Variants in IQSEC1 observed in about 807,000 individuals in gnomAD.
IQSEC1 encodes IQ motif and Sec7 domain ArfGEF 1, also known as IQ motif and SEC7 domain-containing protein 1.
Under a neutral mutation model 91.0 loss-of-function variants are expected in IQSEC1, and 31 were observed. The ratio of observed to expected loss-of-function variants is 0.34; its 90% CI spans 0.26 to 0.46. The LOEUF is 0.46. Ranked by LOEUF, IQSEC1 falls within the 20% of genes least tolerant of loss-of-function variation. The pLI is 1.00. For synonymous variants in IQSEC1, 699 were observed against 662.6 expected (o/e 1.05, Z -0.84); for missense variants, 1,388 against 1,575.6 (o/e 0.88, Z 2.02).
chr3:12,926,488 G>A (rs935026323), intron 3 of IQSEC1, among the ~76,000 whole-genome samples: 1 of 152,214 alleles, frequency 6.6e-6, no homozygotes, highest in Non-Finnish European at 1.5e-5. Context: ...CAGAGTCACC[G>A]AGGGCTGTCA....
At chr3:13,257,005 C>T (rs939073996) in intron 1 of IQSEC1, among the ~76,000 whole-genome samples, 4 of 152,314 alleles carry the variant, frequency 2.6e-5, no homozygotes, top group African/African-American at 7.2e-5. Flanking sequence ...TCCTTAACCT[C>T]TCTGTGCCCA....
At chr3:13,043,799 C>A (rs758358252) in intron 1 of IQSEC1, among the ~76,000 whole-genome samples, 3 of 152,202 alleles carry the variant, frequency 2.0e-5, no homozygotes, top group African/African-American at 7.2e-5. Context: ...ACACTCACCC[C>A]CTCTGGCCGC....
At chr3:12,929,736 C>A (rs760190665) in intron 3 of IQSEC1, among the ~76,000 whole-genome samples, 23 of 152,346 alleles carry the variant, frequency 1.5e-4, no homozygotes, top group Non-Finnish European at 2.9e-4. Flanking sequence ...AAGGACCCAG[C>A]ATTAACAGGT....
chr3:13,129,950 G>A (rs904677741), intron 2 of IQSEC1, among the ~76,000 whole-genome samples: 2 of 151,592 alleles, frequency 1.3e-5, no homozygotes, highest in Non-Finnish European at 2.9e-5. Flanking sequence ...GAGCCACCGC[G>A]CCTGGCCACA....
chr3:13,235,079 C>T (rs1380541279), intron 1 of IQSEC1, among the ~76,000 whole-genome samples: 1 of 152,150 alleles, frequency 6.6e-6, no homozygotes, highest in East Asian at 1.9e-4. Context: ...TGTGTCTGTG[C>T]ATTTTATTTT....
chr3:13,134,883 G>A (rs73147138), intron 2 of IQSEC1, among the ~76,000 whole-genome samples: 9,857 of 152,204 alleles, frequency 0.065, 934 homozygotes, highest in African/African-American at 0.21. Flanking sequence ...CTGGGGGTCA[G>A]AGAGACTGAG....
intron 1 of IQSEC1, among the ~76,000 whole-genome samples, chr3:13,013,552 A>G (rs1702984716): frequency 6.6e-6 from 1 of 152,222 alleles, no homozygotes; most frequent in South Asian, 2.1e-4. Context: ...GTTTTCTAAT[A>G]GGTGACATGT....
intron 2 of IQSEC1, among the ~76,000 whole-genome samples, chr3:13,098,526 C>T (rs1366402993): frequency 6.6e-6 from 1 of 151,946 alleles, no homozygotes; most frequent in Non-Finnish European, 1.5e-5. Context: ...AGGGTTTCCA[C>T]TAAAATAGGA....
chr3:13,132,666 T>TGTTCATTTCCTACCTCTCAGGG (rs1706639234), intron 2 of IQSEC1, among the ~76,000 whole-genome samples: 1 of 152,244 alleles, frequency 6.6e-6, no homozygotes, highest in Non-Finnish European at 1.5e-5. Context: ...CAGATCACCT[T>TGTTCATTTCCTACCTCTCAGGG]GTTCATTTCC....
intron 1 of IQSEC1, among the ~76,000 whole-genome samples, chr3:13,011,601 C>T (rs1702885989): frequency 6.6e-6 from 1 of 152,202 alleles, no homozygotes; most frequent in African/African-American, 2.4e-5. Flanking sequence ...GGGCCAGCTT[C>T]GAAGTCTTTT....
chr3:13,090,773 C>A (rs1323204188), intron 2 of IQSEC1, among the ~76,000 whole-genome samples: 2 of 152,156 alleles, frequency 1.3e-5, no homozygotes, highest in Admixed American at 6.5e-5. Flanking sequence ...ACTAAGGGGA[C>A]CTGGCACCCT....
rs560694144 is a variant in IQSEC1 at position 13,281,385 on chromosome 3, G to C, written c.272+1326C>G. Among the ~76,000 whole-genome samples the C allele has an allele frequency of 2.6e-5, 4 of 152,238 alleles. No individual in the cohort carries two copies. The East Asian group carries it at 7.7e-4, about 29-fold the overall frequency. On this transcript the variant is annotated intron_variant, in intron 1 of 15. Transcript: ENST00000648114. Reference sequence around the variant, plus strand: ...TTCCTCCCAGTGACACCAGTTAGGAGCTATACACACGTCCCGCTCCTCCTT... The same window carrying C: ...TTCCTCCCAGTGACACCAGTTAGGACCTATACACACGTCCCGCTCCTCCTT...
At chr3:13,184,383 G>A (rs1041865350) in intron 1 of IQSEC1, among the ~76,000 whole-genome samples, 1 of 152,200 alleles carries the variant, frequency 6.6e-6, no homozygotes, top group Non-Finnish European at 1.5e-5. Context: ...AACAGATGCA[G>A]AAAAAGCCTT....
chr3:13,254,275 C>T (rs925361818), intron 1 of IQSEC1, among the ~76,000 whole-genome samples: 1 of 152,268 alleles, frequency 6.6e-6, no homozygotes, highest in Non-Finnish European at 1.5e-5. Flanking sequence ...AGGCCACACC[C>T]TGGGGACGCA....
chr3:13,260,271 G>A (rs1040185584), intron 1 of IQSEC1, among the ~76,000 whole-genome samples: 9 of 152,214 alleles, frequency 5.9e-5, no homozygotes, highest in African/African-American at 2.2e-4. Context: ...CCTGACATTT[G>A]CTGCTGCTTG....
At chr3:13,026,206 C>A (rs934387003) in intron 1 of IQSEC1, among the ~76,000 whole-genome samples, 1 of 152,184 alleles carries the variant, frequency 6.6e-6, no homozygotes, top group African/African-American at 2.4e-5. Flanking sequence ...CTGTTTGCAC[C>A]CAGGTCTCTC....
chr3:13,274,218 G>T (rs1695636607), intron 1 of IQSEC1, among the ~76,000 whole-genome samples: 1 of 152,200 alleles, frequency 6.6e-6, no homozygotes. Flanking sequence ...GTCCCCAGAG[G>T]CTGTCCCCCA....
At chr3:13,089,386 A>G (rs1410613302) in intron 2 of IQSEC1, among the ~76,000 whole-genome samples, 1 of 152,158 alleles carries the variant, frequency 6.6e-6, no homozygotes, top group Non-Finnish European at 1.5e-5. Context: ...TTGATACCAT[A>G]CTGGGCAACA....
chr3:13,200,923 A>T (rs892759779), intron 1 of IQSEC1, among the ~76,000 whole-genome samples: 3 of 152,168 alleles, frequency 2.0e-5, no homozygotes, highest in Non-Finnish European at 2.9e-5. Flanking sequence ...TTAACAGTGG[A>T]AAGCCGTAAC....
Sources: allele counts gnomAD v4.1 joint callset (sites outside exome capture counted in the v4.1 genomes callset), GRCh38; gene constraint gnomAD v4.1.1; transcripts MANE v1.5; gene names NCBI Gene and HGNC (gene_info 2026-07-23, HGNC 2026-07-21).